The following CADM1 variants were observed in gnomAD, a reference collection of about 807,000 sequenced individuals.
CADM1 encodes the protein TSLC-1.
CADM1 carries 15 observed loss-of-function variants against 53.1 expected under a neutral mutation model. The ratio of observed to expected loss-of-function variants is 0.28; its 90% CI spans 0.19 to 0.44. The LOEUF is 0.44. Ranked by LOEUF, CADM1 falls within the 20% of genes least tolerant of loss-of-function variation. The probability of loss-of-function intolerance (pLI) is 1.00; values close to 1 mark genes in which losing one functional copy is unlikely to be tolerated. For missense variants in CADM1, 434 were observed against 611.3 expected (o/e 0.71, Z 3.06); for synonymous variants, 281 against 243.0 (o/e 1.16, Z -1.45).
chr11:115,428,911 T>C (rs995997779), intron 1 of CADM1, among the ~76,000 whole-genome samples: 7 of 152,126 alleles, frequency 4.6e-5, no homozygotes, highest in Admixed American at 1.3e-4. Flanking sequence ...CAGGAAAATA[T>C]TTTGGACAAG....
intron 1 of CADM1, among the ~76,000 whole-genome samples, chr11:115,250,797 T>C (rs1057241664): frequency 4.6e-5 from 7 of 152,190 alleles, no homozygotes; most frequent in Admixed American, 3.9e-4. Context: ...TCATCTCCAT[T>C]ACACAGACAA....
chr11:115,250,981 T>A (rs1450555693), intron 1 of CADM1, among the ~76,000 whole-genome samples: 1 of 152,216 alleles, frequency 6.6e-6, no homozygotes, highest in African/African-American at 2.4e-5. Context: ...AATGAATTTA[T>A]AGTATCTCAT....
At chr11:115,408,433 T>C (rs1291750763) in intron 1 of CADM1, among the ~76,000 whole-genome samples, 1 of 152,306 alleles carries the variant, frequency 6.6e-6, no homozygotes, top group South Asian at 2.1e-4. Flanking sequence ...AATAAATCAA[T>C]GAAGGCCTGG....
Position 115,240,467 on chromosome 11 carries a change from A to T in CADM1, c.125-47T>A, listed in dbSNP as rs1033782954. On this transcript the variant is annotated intron_variant, in intron 1 of 11. Transcript: ENST00000331581. ...GTCAGAGGAAAATTTCCATCAATTAAAATGTGATCAGTGGGATCTATTAAA... is the reference window on the plus strand; with the variant it reads ...GTCAGAGGAAAATTTCCATCAATTATAATGTGATCAGTGGGATCTATTAAA... The T allele has an allele frequency of 1.9e-6, 3 of 1,600,030 alleles. No individual in the cohort carries two copies. The South Asian group carries it at 3.3e-5, about 18-fold the overall frequency.
chr11:115,423,020 G>A (rs532288832), intron 1 of CADM1, among the ~76,000 whole-genome samples: 2 of 140,612 alleles, frequency 1.4e-5, no homozygotes, highest in East Asian at 2.0e-4. Context: ...CCTAGAAAAC[G>A]CTACGGTCTG....
At chr11:115,504,198 C>T (rs1203549170) in intron 1 of CADM1, 73 bp downstream of exon 1, 3 of 1,547,018 alleles carry the variant, frequency 1.9e-6, no homozygotes, top group Non-Finnish European at 2.6e-6. Context: ...GGAAACGTTT[C>T]CCCCCTCTGT....
intron 1 of CADM1, among the ~76,000 whole-genome samples, chr11:115,393,966 T>C (rs535068532): frequency 9.8e-5 from 15 of 152,290 alleles, no homozygotes; most frequent in Non-Finnish European, 2.2e-4. Context: ...CAAAAAACCT[T>C]TCTGGATGGT....
chr11:115,222,629 G>A (rs906074893), intron 5 of CADM1, among the ~76,000 whole-genome samples: 2 of 152,168 alleles, frequency 1.3e-5, no homozygotes, highest in Admixed American at 1.3e-4. Flanking sequence ...GCTTCCTGAA[G>A]AGGGCTGAAC....
intron 1 of CADM1, among the ~76,000 whole-genome samples, chr11:115,394,283 A>G (rs920336213): frequency 2.6e-5 from 4 of 152,224 alleles, no homozygotes; most frequent in African/African-American, 9.6e-5. Flanking sequence ...AATGTGAAGG[A>G]AAAGTAAGAA....
chr11:115,214,128 G>A (rs748975223), intron 7 of CADM1, among the ~76,000 whole-genome samples: 7 of 152,070 alleles, frequency 4.6e-5, no homozygotes, highest in Non-Finnish European at 7.4e-5. Flanking sequence ...TAGCTACAAG[G>A]GACCTTGTAT....
At chr11:115,392,287 G>A (rs955037596) in intron 1 of CADM1, among the ~76,000 whole-genome samples, 2 of 151,986 alleles carry the variant, frequency 1.3e-5, no homozygotes, top group Non-Finnish European at 2.9e-5. Flanking sequence ...TGCCTGGCAC[G>A]TAATAGATAC....
chr11:115,376,147 A>G (rs1471874987), intron 1 of CADM1, among the ~76,000 whole-genome samples: 1 of 152,182 alleles, frequency 6.6e-6, no homozygotes, highest in East Asian at 1.9e-4. Context: ...TCTACAAGCT[A>G]TAAGACAGTA....
intron 1 of CADM1, among the ~76,000 whole-genome samples, chr11:115,488,037 A>AG (rs985534022): frequency 0.1 from 9 of 86 alleles, no homozygotes; most frequent in Admixed American, 0.45. Context: ...CAATCCCTGG[A>AG]AAAAAAAAAA....
At chr11:115,293,788 G>A (rs765526265) in intron 1 of CADM1, among the ~76,000 whole-genome samples, 4 of 152,160 alleles carry the variant, frequency 2.6e-5, no homozygotes, top group Non-Finnish European at 4.4e-5. Flanking sequence ...ATCAACAACT[G>A]TAGTTTAAGT....
intron 1 of CADM1, among the ~76,000 whole-genome samples, chr11:115,479,381 T>C (rs994649064): frequency 6.6e-6 from 1 of 152,146 alleles, no homozygotes; most frequent in Non-Finnish European, 1.5e-5. Flanking sequence ...TCATCTTAAA[T>C]AGATTCACTG....
intron 1 of CADM1, among the ~76,000 whole-genome samples, chr11:115,373,608 AGAAG>A (rs145962183): frequency 0.17 from 17,045 of 100,020 alleles, 2,528 homozygotes; most frequent in Non-Finnish European, 0.3. Flanking sequence ...AAAAAAAAAA[AGAAG>A]AAGAAGAAGA....
intron 1 of CADM1, among the ~76,000 whole-genome samples, chr11:115,328,718 A>ATATACATATATATACGCG (rs1945044538): frequency 1.0e-5 from 1 of 98,042 alleles, no homozygotes; most frequent in African/African-American, 3.7e-5. Flanking sequence ...ATATATGTGT[A>ATATACATATATATACGCG]TATATATGTA....
rs554162235 is a variant in CADM1 at position 115,224,978 on chromosome 11, G to A, written c.721+4135C>T. Among the ~76,000 whole-genome samples the A allele has an allele frequency of 3.9e-5, 6 of 152,162 alleles. No homozygotes were observed. The South Asian group carries it at 6.2e-4, about 16-fold the overall frequency. On this transcript the variant is annotated intron_variant, in intron 5 of 11. Coordinates refer to ENST00000331581, the MANE Select transcript of CADM1 (RefSeq NM_001301043.2). Reference sequence around the variant, plus strand: ...GAAAGATTTTAGGGTCATACAGCTCGGAACATTAAAAAGCAAAACTGTTCT... The same window carrying A: ...GAAAGATTTTAGGGTCATACAGCTCAGAACATTAAAAAGCAAAACTGTTCT...
chr11:115,193,027 A>G (rs1401680265), intron 9 of CADM1, among the ~76,000 whole-genome samples: 1 of 152,264 alleles, frequency 6.6e-6, no homozygotes, highest in Admixed American at 6.5e-5. Flanking sequence ...CTGAATAAAT[A>G]TAATTCAAAA....
Sources: allele counts gnomAD v4.1 joint callset (sites outside exome capture counted in the v4.1 genomes callset), GRCh38; gene constraint gnomAD v4.1.1; transcripts MANE v1.5; gene names NCBI Gene and HGNC (gene_info 2026-07-23, HGNC 2026-07-21).